NPAS3: variants seen among roughly 807,000 people sequenced by gnomAD.
NPAS3 encodes the protein neuronal PAS domain protein 3.
A neutral mutation model predicts 73.1 loss-of-function variants in NPAS3; 14 were observed. That is an observed-to-expected ratio of 0.19 (90% CI 0.13 to 0.30). The LOEUF is 0.30. Ranked by LOEUF, NPAS3 falls within the 10% of genes least tolerant of loss-of-function variation. The pLI, the probability that NPAS3 is intolerant of heterozygous loss-of-function variation, is 1.00. For synonymous variants in NPAS3, 620 were observed against 541.5 expected, an observed-to-expected ratio of 1.14 and a Z score of -2.01; for missense variants, 1,096 against 1,250.0, an observed-to-expected ratio of 0.88 and a Z score of 1.86.
intron 4 of NPAS3, among the ~76,000 whole-genome samples, chr14:33,488,302 A>G (rs1196855062): frequency 4.6e-5 from 7 of 151,980 alleles, no homozygotes; most frequent in Non-Finnish European, 1.0e-4. Flanking sequence ...AGGTGGCACG[A>G]GATAATTTGG....
chr14:33,052,351 C>A (rs147952105), intron 1 of NPAS3, among the ~76,000 whole-genome samples: 2 of 152,080 alleles, frequency 1.3e-5, no homozygotes, highest in African/African-American at 4.8e-5. Context: ...ACCCTACCAC[C>A]CCCAAAAACT....
Position 32,978,928 on chromosome 14 carries a change from G to A in NPAS3, c.50+39562G>A, listed in dbSNP as rs1216894288. ...TCTTAGGTGTGATGTTTTTAGAGTCGAGAGGTCAGGAATCTCATCTGTCTG... is the reference window on the plus strand; with the variant it reads ...TCTTAGGTGTGATGTTTTTAGAGTCAAGAGGTCAGGAATCTCATCTGTCTG... On this transcript the variant is annotated intron_variant, in intron 1 of 11. Transcript: ENST00000356141. Among the ~76,000 whole-genome samples, 5 of 152,046 alleles carry A rather than the reference G, an allele frequency of 3.3e-5. 1 individual carries two copies. The South Asian group carries it at 6.2e-4, about 19-fold the overall frequency.
intron 3 of NPAS3, among the ~76,000 whole-genome samples, chr14:33,333,390 A>T (rs937918308): frequency 1.3e-5 from 2 of 152,222 alleles, no homozygotes; most frequent in South Asian, 4.1e-4. Context: ...TGATTTTTAT[A>T]TACTACTTTA....
At chr14:32,952,048 G>C (rs1438186968) in intron 1 of NPAS3, among the ~76,000 whole-genome samples, 5 of 151,876 alleles carry the variant, frequency 3.3e-5, no homozygotes, top group African/African-American at 4.8e-5. Context: ...GTATATTTTT[G>C]TAAGATGATT....
intron 2 of NPAS3, among the ~76,000 whole-genome samples, chr14:33,066,285 G>A (rs934279453): frequency 3.9e-5 from 6 of 152,138 alleles, no homozygotes; most frequent in East Asian, 1.9e-4. Flanking sequence ...AACATCCAGC[G>A]GAGATGAGGA....
At chr14:33,289,882 GC>G (rs1291304709) in intron 3 of NPAS3, among the ~76,000 whole-genome samples, 2 of 151,544 alleles carry the variant, frequency 1.3e-5, no homozygotes, top group Non-Finnish European at 2.9e-5. Flanking sequence ...TTTCTTTTTA[GC>G]CTGTTGGTAT....
chr14:33,790,855 G>T (rs1342003128), intron 9 of NPAS3, among the ~76,000 whole-genome samples: 3 of 152,098 alleles, frequency 2.0e-5, no homozygotes, highest in African/African-American at 7.2e-5. Context: ...TTTTAGTAGA[G>T]GCAGCGTCTC....
At chr14:33,686,382 G>C (rs1169489881) in intron 6 of NPAS3, among the ~76,000 whole-genome samples, 3 of 152,194 alleles carry the variant, frequency 2.0e-5, no homozygotes, top group Non-Finnish European at 4.4e-5. Context: ...TCATTGAAGA[G>C]AGCAGTGACC....
intron 3 of NPAS3, among the ~76,000 whole-genome samples, chr14:33,329,858 C>T (rs574036589): frequency 5.3e-5 from 8 of 151,932 alleles, no homozygotes; most frequent in Admixed American, 5.2e-4. Flanking sequence ...TAAAACAATG[C>T]CTGGAACATA....
intron 2 of NPAS3, among the ~76,000 whole-genome samples, chr14:33,191,973 A>G (rs1486364370): frequency 2.6e-5 from 4 of 152,212 alleles, no homozygotes; most frequent in Admixed American, 6.5e-5. Context: ...TTTTTTAAAA[A>G]CAGTAATTCA....
At chr14:33,192,569 G>A (rs997739787) in intron 2 of NPAS3, among the ~76,000 whole-genome samples, 2 of 152,162 alleles carry the variant, frequency 1.3e-5, no homozygotes, top group Non-Finnish European at 2.9e-5. Flanking sequence ...TGGTGATGCT[G>A]ATATTTTTAT....
At chr14:33,582,588 G>A (rs1171219234) in intron 5 of NPAS3, among the ~76,000 whole-genome samples, 1 of 152,094 alleles carries the variant, frequency 6.6e-6, no homozygotes, top group Non-Finnish European at 1.5e-5. Flanking sequence ...TATTTAATAG[G>A]TTGTTTTACC....
At chr14:33,673,459 C>T (rs999815661) in intron 5 of NPAS3, among the ~76,000 whole-genome samples, 2 of 152,234 alleles carry the variant, frequency 1.3e-5, no homozygotes, top group African/African-American at 4.8e-5. Flanking sequence ...GTATCACCCC[C>T]TGCTGACTAA....
At chr14:33,359,593 A>G (rs1252892803) in intron 3 of NPAS3, among the ~76,000 whole-genome samples, 1 of 152,212 alleles carries the variant, frequency 6.6e-6, no homozygotes, top group Non-Finnish European at 1.5e-5. Context: ...AGTTTGCAAA[A>G]TGAAAGTGTA....
intron 7 of NPAS3, among the ~76,000 whole-genome samples, chr14:33,770,710 GC>G (rs1296050273): frequency 6.6e-6 from 1 of 152,156 alleles, no homozygotes; most frequent in African/African-American, 2.4e-5. Context: ...GACCAGCCTG[GC>G]CAACATGGTA....
At chr14:33,174,230 A>G (rs2045504110) in intron 2 of NPAS3, among the ~76,000 whole-genome samples, 1 of 152,170 alleles carries the variant, frequency 6.6e-6, no homozygotes, top group South Asian at 2.1e-4. Context: ...CTTATCCTAT[A>G]CACTGCACAT....
intron 4 of NPAS3, among the ~76,000 whole-genome samples, chr14:33,557,986 G>A (rs1300577033): frequency 6.6e-6 from 1 of 152,068 alleles, no homozygotes; most frequent in African/African-American, 2.4e-5. Context: ...TAAAAAAAAT[G>A]TAGATAATAA....
At chr14:33,427,789 G>T (rs2048617397) in intron 4 of NPAS3, among the ~76,000 whole-genome samples, 1 of 152,060 alleles carries the variant, frequency 6.6e-6, no homozygotes, top group African/African-American at 2.4e-5. Context: ...AATAATATTT[G>T]TTGACTGAAT....
Position 33,409,789 on chromosome 14 carries a change from G to A in NPAS3, c.468+42521G>A, listed in dbSNP as rs143975616. Among the ~76,000 whole-genome samples the A allele has an allele frequency of 3.3e-5, 5 of 152,266 alleles. No individual in the cohort carries two copies. In the East Asian group the frequency reaches 5.8e-4, roughly 18 times the overall value. The stretch of plus-strand genomic sequence containing the variant: ...AGAAGAGTAAGAATGTAGTCTTCTA[G>A]TGACTACGAGAATATGGAATTTCAT... On this transcript the variant is annotated intron_variant, in intron 4 of 11. Transcript: ENST00000356141.
Sources: gnomAD v4.1 joint callset for allele counts (sites outside exome capture counted in the v4.1 genomes callset) on GRCh38, gnomAD v4.1.1 for gene constraint, MANE v1.5 for transcripts, NCBI Gene and HGNC (gene_info 2026-07-23, HGNC 2026-07-21) for gene names.